Variants in TYW1 observed in about 807,000 individuals in gnomAD.
The protein encoded by TYW1 is S-adenosyl-L-methionine-dependent tRNA 4-demethylwyosine synthase TYW1.
TYW1 carries 46 observed loss-of-function variants against 96.2 expected under a neutral mutation model. The ratio of observed to expected loss-of-function variants is 0.48; its 90% confidence interval spans 0.38 to 0.61. The LOEUF (loss-of-function observed/expected upper bound fraction) is 0.61, where lower values mean the gene tolerates loss of function less well. Ranked by LOEUF, TYW1 falls within the 20% of genes least tolerant of loss-of-function variation. The pLI is 0.00. For synonymous variants in TYW1, 274 were observed against 323.0 expected (o/e 0.85, Z 1.63); for missense variants, 684 against 909.6 (o/e 0.75, Z 3.19).
chr7:67,179,218 G>A (rs1466932311), intron 13 of TYW1, among the ~76,000 whole-genome samples: 5 of 135,676 alleles, frequency 3.7e-5, no homozygotes, highest in African/African-American at 1.2e-4. Flanking sequence ...TTCTAGGAAA[G>A]GGGCAGTAAC....
At chr7:67,151,809 T>G (rs1378444520) in intron 13 of TYW1, among the ~76,000 whole-genome samples, 1 of 151,924 alleles carries the variant, frequency 6.6e-6, no homozygotes, top group Non-Finnish European at 1.5e-5. Context: ...CTTTTTTTGT[T>G]GTTGTTGTTG....
intron 12 of TYW1, among the ~76,000 whole-genome samples, chr7:67,116,034 G>A (rs987245784): frequency 6.6e-6 from 1 of 152,070 alleles, no homozygotes; most frequent in Non-Finnish European, 1.5e-5. Context: ...TTTAGAAAAA[G>A]TACAGTCTAA....
chr7:67,004,526 T>C (rs966733797), intron 3 of TYW1, among the ~76,000 whole-genome samples: 4 of 152,222 alleles, frequency 2.6e-5, no homozygotes, highest in Admixed American at 2.6e-4. Context: ...TCACCAGATG[T>C]AGTTGTCCAA....
At chr7:67,019,562 G>C (rs947783630) in intron 6 of TYW1, among the ~76,000 whole-genome samples, 1 of 152,244 alleles carries the variant, frequency 6.6e-6, no homozygotes, top group Non-Finnish European at 1.5e-5. Context: ...TCCTGGCCTC[G>C]AGCAAACCTC....
chr7:67,168,150 A>G (rs1294976437), intron 13 of TYW1, among the ~76,000 whole-genome samples: 3 of 136,690 alleles, frequency 2.2e-5, no homozygotes, highest in African/African-American at 5.9e-5. Flanking sequence ...GGTTTTTATC[A>G]TATCATTTTT....
At chr7:67,012,087 C>T (rs1478875396) in intron 4 of TYW1, among the ~76,000 whole-genome samples, 1 of 152,068 alleles carries the variant, frequency 6.6e-6, no homozygotes, top group Non-Finnish European at 1.5e-5. Flanking sequence ...TGGTGGCTCT[C>T]GCCTGTATAA....
intron 13 of TYW1, among the ~76,000 whole-genome samples, chr7:67,133,970 C>A (rs182698846): frequency 2.6e-5 from 4 of 151,876 alleles, no homozygotes; most frequent in Non-Finnish European, 4.4e-5. Flanking sequence ...AATAATATCC[C>A]TCCTCAGCAG....
At chr7:67,210,139 AG>A (rs1800949700) in intron 15 of TYW1, among the ~76,000 whole-genome samples, 1 of 152,108 alleles carries the variant, frequency 6.6e-6, no homozygotes, top group African/African-American at 2.4e-5. Context: ...AATTCTCTTT[AG>A]GCTCCTCTTG....
chr7:67,207,023 G>A (rs2116379794), intron 15 of TYW1, among the ~76,000 whole-genome samples: 1 of 152,028 alleles, frequency 6.6e-6, no homozygotes, highest in East Asian at 1.9e-4. Flanking sequence ...TTTGCTCAAG[G>A]TATTTCTTTG....
intron 13 of TYW1, among the ~76,000 whole-genome samples, chr7:67,174,488 A>G (rs1246653710): frequency 6.6e-6 from 1 of 150,848 alleles, no homozygotes; most frequent in Non-Finnish European, 1.5e-5. Flanking sequence ...TCAAGAGTGA[A>G]GGAGAAAAAA....
intron 13 of TYW1, among the ~76,000 whole-genome samples, chr7:67,145,100 AC>A (rs1482424078): frequency 2.8e-5 from 4 of 144,606 alleles, no homozygotes; most frequent in African/African-American, 1.0e-4. Context: ...TATTTTACAG[AC>A]CAATACAATG....
In TYW1 at chr7:67,239,051, C is replaced by A; in HGVS notation, c.*522C>A. Reference sequence around the variant, plus strand: ...CTGAAAAGAATCGAAGTTGTCACAACTCTCAATTATTTTTTAAATACTGCA... The same window carrying A: ...CTGAAAAGAATCGAAGTTGTCACAAATCTCAATTATTTTTTAAATACTGCA... On this transcript the variant is annotated 3_prime_UTR_variant, in exon 16 of 16. Coordinates refer to ENST00000359626, the MANE Select transcript of TYW1 (RefSeq NM_018264.4). 2 of 988,020 alleles carry A rather than the reference C, an allele frequency of 2.0e-6. No homozygotes were observed. Among genetic ancestry groups the A allele is most frequent in the Non-Finnish European group, 2.4e-6 (2 of 831,312 alleles). The allele number at this position is 988,020 out of a possible 1,614,324, so 61.2% of individuals were successfully genotyped here.
At chr7:67,222,866 C>CTTTTTTTTTTTT (rs570972265) in intron 15 of TYW1, among the ~76,000 whole-genome samples, 5 of 109,626 alleles carry the variant, frequency 4.6e-5, no homozygotes, top group Non-Finnish European at 3.7e-5. Context: ...CGCTTTTTTT[C>CTTTTTTTTTTTT]TTTTTTTTTT....
intron 14 of TYW1, among the ~76,000 whole-genome samples, chr7:67,192,151 C>A (rs1800239385): frequency 1.3e-5 from 2 of 152,106 alleles, no homozygotes; most frequent in Admixed American, 1.3e-4. Context: ...CCGCCTCAGC[C>A]TCCCAAAGAG....
chr7:67,050,087 T>C, intron 8 of TYW1, 21 bp downstream of exon 8: 1 of 1,611,606 alleles, frequency 6.2e-7, no homozygotes, highest in African/African-American at 1.3e-5. Context: ...TCAAGAATTG[T>C]TGTTATATGA....
At chr7:67,144,960 A>G (rs539590243) in intron 13 of TYW1, among the ~76,000 whole-genome samples, 2 of 151,372 alleles carry the variant, frequency 1.3e-5, no homozygotes, top group Admixed American at 1.3e-4. Context: ...TGAGAGTCAG[A>G]TGTGGGTGAT....
intron 12 of TYW1, among the ~76,000 whole-genome samples, chr7:67,116,113 G>A (rs376732680): frequency 2.6e-5 from 4 of 152,116 alleles, no homozygotes; most frequent in Non-Finnish European, 2.9e-5. Context: ...ATCACCTGAG[G>A]TCAGGAGTTC....
At position 67,172,430 on chromosome 7, in the gene TYW1, C is replaced by CCTTTTTTTTTTTT. The variant is rs777213368; in HGVS notation, c.1699-10696_1699-10695insCTTTTTTTTTTTT. On this transcript the variant is annotated intron_variant, in intron 13 of 15. Coordinates refer to ENST00000359626, the MANE Select transcript of TYW1 (RefSeq NM_018264.4). ...TTGAACCCCACATGACCTTACCATT[C>CCTTTTTTTTTTTT]TTTTTTTTGAGATGGAGTCTCACTC... is the stretch of plus-strand genomic sequence containing the variant. 1.1e-3 allele frequency among the ~76,000 whole-genome samples: 155 copies of CCTTTTTTTTTTTT among 143,936 alleles called. 3 individuals carry two copies. The highest frequency in any genetic ancestry group is 2.3e-3 in the African/African-American group (86 of 38,000). The allele number at this position is 143,936 out of a possible 152,430, so 94.4% of individuals were successfully genotyped here.
chr7:67,229,553 T>G (rs1002247503), intron 15 of TYW1, among the ~76,000 whole-genome samples: 2 of 149,858 alleles, frequency 1.3e-5, no homozygotes, highest in African/African-American at 4.9e-5. Context: ...AAAAAAAAAT[T>G]GGAATATACA....
Sources: gnomAD v4.1 joint callset for allele counts (sites outside exome capture counted in the v4.1 genomes callset) on GRCh38, gnomAD v4.1.1 for gene constraint, MANE v1.5 for transcripts, NCBI Gene and HGNC (gene_info 2026-07-23, HGNC 2026-07-21) for gene names.